The following POLR3A variants were observed in gnomAD, a reference collection of about 807,000 sequenced individuals.
POLR3A encodes the protein RNA polymerase III subunit A, also known as DNA-directed RNA polymerase III subunit RPC1.
Under a neutral mutation model 152.8 loss-of-function variants are expected in POLR3A, and 112 were observed. The observed-to-expected ratio is 0.73, with a 90% CI of 0.63 to 0.86. The LOEUF (loss-of-function observed/expected upper bound fraction) is 0.86, where lower values mean the gene tolerates loss of function less well. Ranked by LOEUF, POLR3A falls within the 40% of genes least tolerant of loss-of-function variation. POLR3A has a pLI of 0.00. For missense variants in POLR3A, 1,385 were observed against 1,743.1 expected (o/e 0.79, Z 3.66); for synonymous variants, 615 against 652.1 (o/e 0.94, Z 0.87).
intron 19 of POLR3A, among the ~76,000 whole-genome samples, chr10:77,995,306 T>C (rs548768982): frequency 2.0e-5 from 3 of 152,176 alleles, no homozygotes; most frequent in South Asian, 2.1e-4. Context: ...AATTCACAAA[T>C]AAAATATTAA....
Position 78,009,851 on chromosome 10 carries a change from C to T in POLR3A, c.1770+13G>A, listed in dbSNP as rs915750453. ...CACACACCTGTGCACCAACACACAA[C>T]TCCCACACACACCTTTAGGATTGTA... On this transcript the variant is annotated intron_variant, in intron 13 of 30. Coordinates refer to ENST00000372371, the MANE Select transcript of POLR3A (RefSeq NM_007055.4). 2 of 1,613,894 alleles carry T rather than the reference C, an allele frequency of 1.2e-6. No individual in the cohort carries two copies. The highest frequency in any genetic ancestry group is 1.3e-5 in the African/African-American group (1 of 74,908).
intron 19 of POLR3A, among the ~76,000 whole-genome samples, chr10:77,994,809 A>G (rs975154179): frequency 2.0e-5 from 3 of 152,120 alleles, no homozygotes; most frequent in African/African-American, 7.2e-5. Context: ...AAATACAGAG[A>G]ACACCACAAA....
rs1847088752 is a variant in POLR3A, at chr10:77,976,320, G to A, written c.*1158C>T. 1 of 151,960 alleles carries A rather than the reference G, an allele frequency of 6.6e-6. No homozygotes were observed. The highest frequency in any genetic ancestry group is 1.5e-5 in the Non-Finnish European group (1 of 68,010). 9.4% of individuals were successfully genotyped at this position (151,960 alleles called of 1,614,324 possible). A position where few individuals can be genotyped will look rare whatever the true frequency, so the allele number is the denominator to read the frequency against. ...AATTTTTGTATTCTCTGTAGAGACG[G>A]GGTTTCGTCATGTTGCCCAGGCTGC... On this transcript the variant is annotated 3_prime_UTR_variant, in exon 31 of 31. Coordinates refer to ENST00000372371, the MANE Select transcript of POLR3A (RefSeq NM_007055.4).
At chr10:77,987,670 T>G (rs954895931) in intron 21 of POLR3A, among the ~76,000 whole-genome samples, 1 of 152,190 alleles carries the variant, frequency 6.6e-6, no homozygotes, top group African/African-American at 2.4e-5. Flanking sequence ...CTAGCCCCAT[T>G]CTATCCTAAC....
chr10:78,002,961 T>C (rs1175798725), intron 16 of POLR3A, among the ~76,000 whole-genome samples: 1 of 152,246 alleles, frequency 6.6e-6, no homozygotes, highest in Non-Finnish European at 1.5e-5. Context: ...CCCATACAAA[T>C]ATATAAGATA....
At chr10:77,986,620 A>G (rs1847200963) in intron 21 of POLR3A, among the ~76,000 whole-genome samples, 1 of 152,242 alleles carries the variant, frequency 6.6e-6, no homozygotes, top group African/African-American at 2.4e-5. Context: ...CTTTGTTGAC[A>G]GTAAATGCAT....
At chr10:77,995,570 T>C (rs931193077) in intron 19 of POLR3A, among the ~76,000 whole-genome samples, 2 of 152,042 alleles carry the variant, frequency 1.3e-5, no homozygotes, top group Non-Finnish European at 2.9e-5. Context: ...AAGAAGGCCA[T>C]TACATAATGG....
At chr10:78,009,841 C>T in intron 13 of POLR3A, 23 bp downstream of exon 13, 1 of 1,613,612 alleles carries the variant, frequency 6.2e-7, no homozygotes, top group Non-Finnish European at 8.5e-7. Context: ...ACCTGTGCAC[C>T]AACACACAAC....
At chr10:77,980,578 C>T (rs1331874796) in intron 29 of POLR3A, among the ~76,000 whole-genome samples, 1 of 151,662 alleles carries the variant, frequency 6.6e-6, no homozygotes, top group Non-Finnish European at 1.5e-5. Context: ...GCTCAAAGAA[C>T]TAAAAATAAA....
intron 29 of POLR3A, 113 bp from the exon 30 acceptor site, chr10:77,980,386 C>G (rs1847129481): frequency 9.7e-7 from 1 of 1,032,508 alleles, no homozygotes. Flanking sequence ...GACCCAACGT[C>G]AGGTGTGAAA....
chr10:77,995,820 A>G (rs1041083158), intron 19 of POLR3A, among the ~76,000 whole-genome samples: 13 of 152,198 alleles, frequency 8.5e-5, no homozygotes, highest in African/African-American at 1.4e-4. Flanking sequence ...CCTAATAGAC[A>G]TCTACAGAAT....
chr10:78,010,571 T>C (rs762842354), intron 11 of POLR3A, 31 bp from the exon 12 acceptor site: 14 of 1,501,780 alleles, frequency 9.3e-6, no homozygotes, highest in African/African-American at 5.5e-5. Flanking sequence ...GTCAGTTAGC[T>C]GTTCTCGGAT....
chr10:78,005,936 A>G (rs976738748), intron 15 of POLR3A, among the ~76,000 whole-genome samples: 6 of 152,224 alleles, frequency 3.9e-5, no homozygotes, highest in Non-Finnish European at 7.3e-5. Flanking sequence ...GGACCACCAG[A>G]TATTTGAGGA....
At chr10:78,017,167 C>T (rs1847532571) in intron 10 of POLR3A, among the ~76,000 whole-genome samples, 1 of 151,966 alleles carries the variant, frequency 6.6e-6, no homozygotes, top group Non-Finnish European at 1.5e-5. Context: ...GCTACTCACG[C>T]CTATAATCCC....
chr10:77,975,887 C>A lies in POLR3A; in HGVS notation c.*1591G>T, dbSNP rs1847083732. ...CCCAGGTTACATGAGAACTGGTGAT[C>A]TCGGTGGGGTCTCAAGTAGAAGCCC... On this transcript the variant is annotated 3_prime_UTR_variant, in exon 31 of 31. Coordinates refer to ENST00000372371, the MANE Select transcript of POLR3A (RefSeq NM_007055.4). 6.6e-6 allele frequency: 1 copy of A among 152,016 alleles called. No individual in the cohort carries two copies. The highest frequency in any genetic ancestry group is 1.5e-5 in the Non-Finnish European group (1 of 68,018). The allele number at this position is 152,016 out of a possible 1,614,324, so 9.4% of individuals were successfully genotyped here. A position where few individuals can be genotyped will look rare whatever the true frequency, so the allele number is the denominator to read the frequency against.
Position 77,999,931 on chromosome 10 carries a change from C to T in POLR3A, c.2616+50G>A, listed in dbSNP as rs201433087. ...ACGTGTACTCAATAGTCAAAACCCACAGAGCTCTGTCCTGCTCTGTTGCTA... is the reference window on the plus strand; with the variant it reads ...ACGTGTACTCAATAGTCAAAACCCATAGAGCTCTGTCCTGCTCTGTTGCTA... On this transcript the variant is annotated intron_variant, in intron 19 of 30. Transcript: ENST00000372371. 1.1e-5 allele frequency: 17 copies of T among 1,591,592 alleles called. No homozygotes were observed. In the African/African-American group the frequency reaches 2.1e-4, roughly 20 times the overall value.
chr10:77,999,608 T>A (rs1036095743), intron 19 of POLR3A, among the ~76,000 whole-genome samples: 1 of 152,158 alleles, frequency 6.6e-6, no homozygotes, highest in Non-Finnish European at 1.5e-5. Flanking sequence ...ATATTAATAA[T>A]GAGTTACATA....
intron 19 of POLR3A, 88 bp downstream of exon 19, chr10:77,999,893 G>T: frequency 7.8e-7 from 1 of 1,280,970 alleles, no homozygotes; most frequent in Non-Finnish European, 1.1e-6. Flanking sequence ...ATAAATTACA[G>T]CTCATGTGCA....
At chr10:77,999,190 T>A (rs1847331285) in intron 19 of POLR3A, among the ~76,000 whole-genome samples, 1 of 152,118 alleles carries the variant, frequency 6.6e-6, no homozygotes, top group African/African-American at 2.4e-5. Context: ...TTAGGAGATA[T>A]ACCTAATGCT....
Sources: allele counts gnomAD v4.1 joint callset (sites outside exome capture counted in the v4.1 genomes callset), GRCh38; gene constraint gnomAD v4.1.1; transcripts MANE v1.5; gene names NCBI Gene and HGNC (gene_info 2026-07-23, HGNC 2026-07-21).